The following PCF11 variants were observed in gnomAD, a reference collection of about 807,000 sequenced individuals.
PCF11 encodes the protein PCF11 cleavage and polyadenylation factor subunit, also known as pre-mRNA cleavage complex 2 protein Pcf11.
PCF11 carries 19 observed loss-of-function variants against 166.1 expected under a neutral mutation model. The observed-to-expected ratio is 0.11, with a 90% CI of 0.08 to 0.17. The LOEUF (loss-of-function observed/expected upper bound fraction) is 0.17. Ranked by LOEUF, PCF11 falls within the 10% of genes least tolerant of loss-of-function variation. The pLI, the probability that PCF11 is intolerant of heterozygous loss-of-function variation, is 1.00. For synonymous variants in PCF11, 663 were observed against 644.1 expected (o/e 1.03, Z -0.44); for missense variants, 1,565 against 1,855.5 (o/e 0.84, Z 2.88).
intron 15 of PCF11, among the ~76,000 whole-genome samples, chr11:83,183,644 C>A (rs1469848897): frequency 2.0e-5 from 3 of 151,976 alleles, no homozygotes. Context: ...GCGTGCACCA[C>A]CACACCTGGC....
intron 1 of PCF11, among the ~76,000 whole-genome samples, chr11:83,159,224 A>T (rs974893446): frequency 2.0e-5 from 3 of 152,194 alleles, no homozygotes; most frequent in Admixed American, 2.0e-4. Flanking sequence ...GTGAGATTTA[A>T]AAAGGAAGCA....
intron 14 of PCF11, 81 bp from the exon 15 acceptor site, chr11:83,182,957 G>A (rs1590940919): frequency 1.1e-6 from 1 of 874,106 alleles, no homozygotes; most frequent in East Asian, 2.7e-5. Flanking sequence ...ACTATCTTCT[G>A]GCTTAAAGTT....
chr11:83,159,350 T>A (rs1860137398), intron 1 of PCF11, among the ~76,000 whole-genome samples: 1 of 152,170 alleles, frequency 6.6e-6, no homozygotes, highest in Non-Finnish European at 1.5e-5. Context: ...CACTTGTGTT[T>A]TTAAGGCAAA....
chr11:83,164,250 G>T, exon 4 of PCF11: 1 of 1,613,628 alleles, frequency 6.2e-7, no homozygotes, highest in South Asian at 1.1e-5. Flanking sequence ...AGTTCCCCTA[G>T]CATCTCCACT....
At chr11:83,157,843 A>T in intron 1 of PCF11, 1 of 579,064 alleles carries the variant, frequency 1.7e-6, no homozygotes, top group Non-Finnish European at 3.1e-6. Flanking sequence ...GTGGAGTCCC[A>T]CTTCCGCTTT....
At chr11:83,164,092 A>C (rs747685480) in intron 3 of PCF11, 115 bp from the exon 4 acceptor site, 79 of 688,574 alleles carry the variant, frequency 1.1e-4, no homozygotes, top group Non-Finnish European at 1.8e-4. Flanking sequence ...ATTTCTGATA[A>C]GTTTTCTGTG....
rs1359234986 is a variant in PCF11 at position 83,167,547 on chromosome 11, A to G, written c.2092+42A>G. ...TGTACGGGATAGTCCTACAGAAGAA[A>G]ATAAAGGTGGATTAAAAAAGAAACC... is the stretch of plus-strand genomic sequence containing the variant. On this transcript the variant is annotated intron_variant, in intron 7 of 15. Transcript: ENST00000298281. This position sits in a 1 kb window ranked among gnomAD's most constrained non-coding sequence, Gnocchi z 4.2. 2 of 1,591,894 alleles carry G rather than the reference A, an allele frequency of 1.3e-6. No homozygotes were observed. Among genetic ancestry groups the G allele is most frequent in the Admixed American group, 3.6e-5 (2 of 56,238 alleles).
chr11:83,163,669 G>C lies in PCF11; in HGVS notation c.319-10G>C. ...ACTTAACAAGCCATAGAATTGTTCT[G>C]TTGTTCTAGGTGGATGAAAATACTA... On this transcript the variant is annotated splice_polypyrimidine_tract_variant and intron_variant, in intron 2 of 15. Transcript: ENST00000298281. 7.7e-7 allele frequency: 1 copy of C among 1,290,574 alleles called. No homozygotes were observed. The highest frequency in any genetic ancestry group is 1.1e-6 in the Non-Finnish European group (1 of 945,804). 79.9% of individuals were successfully genotyped at this position (1,290,574 alleles called of 1,614,324 possible).
intron 1 of PCF11, 94 bp downstream of exon 1, chr11:83,157,725 C>CAA: frequency 8.5e-7 from 1 of 1,182,638 alleles, no homozygotes; most frequent in Non-Finnish European, 1.2e-6. Context: ...CCAAGGGGGA[C>CAA]AGTGTTCCTT....
At chr11:83,186,911 G>A (rs1028517907) in exon 16 of PCF11, 1 of 152,204 alleles carries the variant, frequency 6.6e-6, no homozygotes, top group African/African-American at 2.4e-5. Context: ...AAAGGAAGGT[G>A]ATATTCAAAC....
intron 9 of PCF11, among the ~76,000 whole-genome samples, chr11:83,174,386 GT>G (rs71463154): frequency 0.46 from 66,096 of 142,664 alleles, 16,713 homozygotes; most frequent in African/African-American, 0.71. Flanking sequence ...TATTTTTAAA[GT>G]TTTTTTTTTT....
exon 5 of PCF11, chr11:83,165,684 C>G: frequency 6.2e-7 from 1 of 1,613,454 alleles, no homozygotes; most frequent in Non-Finnish European, 8.5e-7. Flanking sequence ...ACAGATTCCC[C>G]CTATGGCAGT....
exon 11 of PCF11, chr11:83,177,786 A>T: frequency 6.5e-7 from 1 of 1,534,694 alleles, no homozygotes; most frequent in Non-Finnish European, 8.8e-7. Flanking sequence ...GATGTTCCAG[A>T]TCTTACTAAT....
At chr11:83,160,706 G>C (rs1400985546) in intron 1 of PCF11, among the ~76,000 whole-genome samples, 1 of 152,102 alleles carries the variant, frequency 6.6e-6, no homozygotes, top group African/African-American at 2.4e-5. Context: ...TTCAGCGGCT[G>C]CTCCATCCAG....
At chr11:83,175,029 G>T (rs989128296) in intron 9 of PCF11, among the ~76,000 whole-genome samples, 1 of 152,320 alleles carries the variant, frequency 6.6e-6, no homozygotes, top group East Asian at 1.9e-4. Flanking sequence ...TCTGTATGTG[G>T]ATGCAAATTG....
At chr11:83,177,570 G>T (rs1036585150) in intron 10 of PCF11, 144 bp from the exon 11 acceptor site, 2 of 430,494 alleles carry the variant, frequency 4.6e-6, no homozygotes, top group Non-Finnish European at 8.3e-6. Flanking sequence ...ATTGTATTAG[G>T]TTCCTTGGCC....
At position 83,181,759 on chromosome 11, in the gene PCF11, G is replaced by C. The variant is rs1473534091; in HGVS notation, c.4168-95G>C. 5 of 750,080 alleles carry C rather than the reference G, an allele frequency of 6.7e-6. No homozygotes were observed. The East Asian group carries it at 1.2e-4, about 18-fold the overall frequency. 46.5% of individuals were successfully genotyped at this position (750,080 alleles called of 1,614,324 possible). A position where few individuals can be genotyped will look rare whatever the true frequency, so the allele number is the denominator to read the frequency against. On this transcript the variant is annotated intron_variant, in intron 12 of 15. Coordinates refer to ENST00000298281, the Ensembl canonical transcript of PCF11. Reference sequence around the variant, plus strand: ...ATATTAGAGCATAATGTAGAAAATAGTATACCCCTACCTTTAAATGGCATT... The same window carrying C: ...ATATTAGAGCATAATGTAGAAAATACTATACCCCTACCTTTAAATGGCATT...
chr11:83,164,602 G>A (rs1860380274), intron 4 of PCF11, among the ~76,000 whole-genome samples: 2 of 151,684 alleles, frequency 1.3e-5, no homozygotes, highest in East Asian at 1.9e-4. Context: ...AACTGCATAG[G>A]CCAGGCGCAG....
intron 11 of PCF11, among the ~76,000 whole-genome samples, chr11:83,179,286 G>A (rs1861001409): frequency 1.3e-5 from 2 of 150,286 alleles, no homozygotes; most frequent in Non-Finnish European, 3.0e-5. Flanking sequence ...GTCTCACTCT[G>A]TCACCCAGGC....
Sources: gnomAD v4.1 joint callset for allele counts (sites outside exome capture counted in the v4.1 genomes callset) on GRCh38, gnomAD v4.1.1 for gene constraint, Gnocchi (gnomAD v3.1) non-coding constraint, MANE v1.5 for transcripts, NCBI Gene and HGNC (gene_info 2026-07-23, HGNC 2026-07-21) for gene names.